Variants in TANGO6 observed in about 807,000 individuals in gnomAD.
TANGO6 encodes the protein transport and golgi organization 6 homolog.
In TANGO6, 90 loss-of-function variants were observed where a neutral mutation model predicts 114.2. The ratio of observed to expected loss-of-function variants is 0.79; its 90% CI spans 0.66 to 0.94. TANGO6 has a LOEUF of 0.94. TANGO6 is among the 40% of genes least tolerant of loss of function. The pLI is 0.00. For synonymous variants in TANGO6, 477 were observed against 509.8 expected, an observed-to-expected ratio of 0.94 and a Z score of 0.87; for missense variants, 1,274 against 1,315.3, an observed-to-expected ratio of 0.97 and a Z score of 0.49.
chr16:68,947,883 C>T (rs551730559), intron 14 of TANGO6, among the ~76,000 whole-genome samples: 6 of 152,218 alleles, frequency 3.9e-5, no homozygotes, highest in African/African-American at 7.2e-5. Context: ...TGAGCCATCA[C>T]GCCCAGACTA....
intron 15 of TANGO6, among the ~76,000 whole-genome samples, chr16:68,999,579 C>T (rs1287156708): frequency 6.6e-6 from 1 of 152,174 alleles, no homozygotes; most frequent in Non-Finnish European, 1.5e-5. Flanking sequence ...ACAATACTCA[C>T]AAATAATTTC....
chr16:68,886,814 AC>A (rs1962545688), intron 7 of TANGO6, among the ~76,000 whole-genome samples: 1 of 125,018 alleles, frequency 8.0e-6, no homozygotes, highest in South Asian at 2.5e-4. Context: ...CCTGGCCCAT[AC>A]TTTTTTTTTT....
At chr16:69,057,342 T>C (rs1960049350) in intron 17 of TANGO6, among the ~76,000 whole-genome samples, 1 of 152,182 alleles carries the variant, frequency 6.6e-6, no homozygotes. Flanking sequence ...CTGTGTGCTT[T>C]ACATTAATTA....
intron 5 of TANGO6, among the ~76,000 whole-genome samples, chr16:68,877,901 C>G (rs893465471): frequency 3.9e-5 from 6 of 152,206 alleles, no homozygotes; most frequent in Non-Finnish European, 7.3e-5. Flanking sequence ...AGCCACCACA[C>G]CCGGCCAAAA....
At chr16:68,863,555 A>G (rs1962132322) in intron 3 of TANGO6, among the ~76,000 whole-genome samples, 1 of 152,130 alleles carries the variant, frequency 6.6e-6, no homozygotes, top group Non-Finnish European at 1.5e-5. Context: ...GGTTGCAGTG[A>G]GCCGAGATCA....
At chr16:69,002,187 C>A (rs905764435) in intron 15 of TANGO6, among the ~76,000 whole-genome samples, 1 of 152,032 alleles carries the variant, frequency 6.6e-6, no homozygotes, top group African/African-American at 2.4e-5. Context: ...ACCATAGGTC[C>A]TCTCATGTGA....
intron 16 of TANGO6, among the ~76,000 whole-genome samples, chr16:69,030,134 TAAG>T (rs1422921832): frequency 6.4e-5 from 8 of 125,464 alleles, no homozygotes; most frequent in Middle Eastern, 4.2e-3. Flanking sequence ...AAAAGGGAAA[TAAG>T]AAGAACAGAG....
chr16:69,072,078 GAGAC>G (rs1475940672), intron 17 of TANGO6, among the ~76,000 whole-genome samples: 1 of 130,176 alleles, frequency 7.7e-6, no homozygotes, highest in African/African-American at 3.1e-5. Context: ...TAGAGAGAGG[GAGAC>G]CGTGTGTGTG....
chr16:68,859,906 G>A lies in TANGO6; in HGVS notation c.117G>A (p.Gln39=), dbSNP rs1962062672. The change falls in exon 2 of 18, where the codon CAG becomes CAA. Residue 39 remains glutamine (Q), a synonymous_variant. Transcript: ENST00000261778. ...SPGGSGSSSL[Q]VTKHDVLLAT... is the part of the protein sequence containing the mutation. The stretch of plus-strand genomic sequence containing the variant: ...AAGGCTCGGGCTCAAGTTCACTACA[G>A]GTCACAAAACATGATGTCTTGTTGG... 2.5e-6 allele frequency: 4 copies of A among 1,591,020 alleles called. No individual in the cohort carries two copies. The highest frequency in any genetic ancestry group is 3.4e-4 in the Middle Eastern group (2 of 5,946).
At chr16:69,055,020 A>AT (rs199952725) in intron 17 of TANGO6, among the ~76,000 whole-genome samples, 291 of 145,624 alleles carry the variant, frequency 2.0e-3, no homozygotes, top group Middle Eastern at 0.011. Context: ...AAAGATGCCA[A>AT]TTTTTTTTTT....
At chr16:69,067,557 C>T (rs578045375) in intron 17 of TANGO6, among the ~76,000 whole-genome samples, 1 of 145,376 alleles carries the variant, frequency 6.9e-6, no homozygotes, top group East Asian at 2.0e-4. Flanking sequence ...CCGTGGCACA[C>T]GCCTATAATC....
chr16:68,854,904 A>C (rs1346283711), intron 1 of TANGO6, among the ~76,000 whole-genome samples: 1 of 151,954 alleles, frequency 6.6e-6, no homozygotes, highest in Non-Finnish European at 1.5e-5. Context: ...TTTCTATATA[A>C]ATTTTTTAAT....
At chr16:68,869,226 A>G (rs1395509073) in intron 4 of TANGO6, among the ~76,000 whole-genome samples, 3 of 152,210 alleles carry the variant, frequency 2.0e-5, no homozygotes, top group African/African-American at 7.2e-5. Context: ...GCTCATGCCT[A>G]TAATCCCAAC....
intron 14 of TANGO6, among the ~76,000 whole-genome samples, chr16:68,962,086 G>T (rs1376010097): frequency 6.6e-6 from 1 of 152,156 alleles, no homozygotes; most frequent in Non-Finnish European, 1.5e-5. Flanking sequence ...CATGCTAGAC[G>T]TAATCATTTA....
chr16:68,877,312 A>G (rs1962380007), intron 5 of TANGO6, among the ~76,000 whole-genome samples: 1 of 151,970 alleles, frequency 6.6e-6, no homozygotes, highest in Non-Finnish European at 1.5e-5. Flanking sequence ...TACTAAAAAT[A>G]CAAAAATTAG....
intron 5 of TANGO6, among the ~76,000 whole-genome samples, chr16:68,875,838 A>T (rs965357975): frequency 6.6e-6 from 1 of 151,814 alleles, no homozygotes; most frequent in African/African-American, 2.4e-5. Context: ...GAGCTAGAAT[A>T]CGAAACTCAA....
chr16:68,906,069 A>G (rs1167071868), intron 9 of TANGO6, among the ~76,000 whole-genome samples: 1 of 151,932 alleles, frequency 6.6e-6, no homozygotes, highest in Non-Finnish European at 1.5e-5. Context: ...AATCCCAGCT[A>G]CTCAGGAGGC....
intron 14 of TANGO6, among the ~76,000 whole-genome samples, chr16:68,948,742 G>C (rs1333457507): frequency 6.6e-6 from 1 of 152,164 alleles, no homozygotes; most frequent in Non-Finnish European, 1.5e-5. Flanking sequence ...AGCAATCTCT[G>C]TGTGTATCTT....
chr16:68,911,769 G>T (rs1314571395), intron 11 of TANGO6, among the ~76,000 whole-genome samples: 7 of 152,106 alleles, frequency 4.6e-5, no homozygotes, highest in Non-Finnish European at 1.5e-5. Context: ...GCTTTATATG[G>T]AATAAGGTTG....
Sources: gnomAD v4.1 joint callset for allele counts (sites outside exome capture counted in the v4.1 genomes callset) on GRCh38, gnomAD v4.1.1 for gene constraint, MANE v1.5 for transcripts, NCBI Gene and HGNC (gene_info 2026-07-23, HGNC 2026-07-21) for gene names.